SGCD: variants seen among roughly 807,000 people sequenced by gnomAD.
SGCD encodes sarcoglycan delta, also known as delta-sarcoglycan.
Under a neutral mutation model 36.6 loss-of-function variants are expected in SGCD, and 18 were observed. The observed-to-expected ratio is 0.49, with a 90% CI of 0.34 to 0.73. The LOEUF (loss-of-function observed/expected upper bound fraction) is 0.73. Among genes scored for constraint, SGCD ranks in the 30% least tolerant of loss-of-function variants. The pLI, the probability that SGCD is intolerant of heterozygous loss-of-function variation, is 0.01. For synonymous variants in SGCD, 133 were observed against 130.6 expected (o/e 1.02, Z -0.12); for missense variants, 387 against 346.7 (o/e 1.12, Z -0.92).
chr5:156,125,567 A>G (rs1304474340), intron 3 of SGCD, among the ~76,000 whole-genome samples: 1 of 152,028 alleles, frequency 6.6e-6, no homozygotes, highest in Non-Finnish European at 1.5e-5. Flanking sequence ...TCAAATACAC[A>G]TTCCTCCTTC....
rs2127875419 is a variant in SGCD at position 156,508,650 on chromosome 5, G to C, written c.242G>C (p.Gly81Ala). The C allele has an allele frequency of 6.2e-7, 1 of 1,612,510 alleles. No homozygotes were observed. Among genetic ancestry groups the C allele is most frequent in the Non-Finnish European group, 8.5e-7 (1 of 1,178,814 alleles). Reference protein sequence around the residue: ...RITEKGLKLEGDSEFLQPLYA... With the variant: ...RITEKGLKLEADSEFLQPLYA... Reference sequence around the variant, plus strand: ...ACAGAAAAAGGTCTAAAGCTAGAAGGAGACTCTGAATTCTTACAACCTCTC... The same window carrying C: ...ACAGAAAAAGGTCTAAAGCTAGAAGCAGACTCTGAATTCTTACAACCTCTC... The change falls in exon 4 of 9, where the codon GGA becomes GCA. Residue 81 changes from glycine (G) to alanine (A), a missense_variant. Coordinates refer to ENST00000337851, the MANE Select transcript of SGCD (RefSeq NM_000337.6).
chr5:156,120,752 A>T (rs1762017886), intron 2 of SGCD, among the ~76,000 whole-genome samples: 1 of 152,186 alleles, frequency 6.6e-6, no homozygotes, highest in Admixed American at 6.6e-5. Context: ...AATATCAGTT[A>T]AGAAAAGAAG....
At chr5:156,759,157 T>A (rs535756339) in intron 8 of SGCD, 60 bp from the exon 9 acceptor site, 2 of 1,303,660 alleles carry the variant, frequency 1.5e-6, no homozygotes, top group South Asian at 2.4e-5. Context: ...TGTTTCTGAA[T>A]GTCAAGAGAA....
intron 1 of SGCD, among the ~76,000 whole-genome samples, chr5:155,970,929 C>T (rs946436102): frequency 3.3e-5 from 5 of 152,124 alleles, no homozygotes; most frequent in South Asian, 2.1e-4. Flanking sequence ...AATTCAGTGA[C>T]GTCCAGGCTG....
intron 3 of SGCD, among the ~76,000 whole-genome samples, chr5:156,470,595 T>C (rs1463053883): frequency 6.6e-6 from 1 of 152,072 alleles, no homozygotes. Context: ...CATGTGGTGT[T>C]TGGTTTTTTG....
chr5:155,878,767 C>T (rs987200357), intron 1 of SGCD, among the ~76,000 whole-genome samples: 3 of 152,004 alleles, frequency 2.0e-5, no homozygotes, highest in Non-Finnish European at 2.9e-5. Flanking sequence ...ACATCGTTGG[C>T]ACTATTTTCA....
intron 4 of SGCD, among the ~76,000 whole-genome samples, chr5:156,547,382 A>G (rs1019831348): frequency 6.6e-6 from 1 of 152,152 alleles, no homozygotes; most frequent in African/African-American, 2.4e-5. Flanking sequence ...TAACTATTCC[A>G]GAGATGTTCT....
At chr5:156,705,433 T>G (rs1754700719) in intron 7 of SGCD, among the ~76,000 whole-genome samples, 1 of 152,180 alleles carries the variant, frequency 6.6e-6, no homozygotes, top group South Asian at 2.1e-4. Context: ...AGCCGTTGGT[T>G]GGTTTTGCCA....
the SGCD span, among the ~76,000 whole-genome samples, chr5:155,732,527 T>A: frequency 6.6e-6 from 1 of 152,188 alleles, no homozygotes; most frequent in Non-Finnish European, 1.5e-5. Context: ...CTGGGAAGTG[T>A]CTTGCCAGAG....
At chr5:156,473,172 A>T (rs116595249) in intron 3 of SGCD, among the ~76,000 whole-genome samples, 2 of 152,288 alleles carry the variant, frequency 1.3e-5, no homozygotes, top group African/African-American at 4.8e-5. Context: ...TGCAATACTT[A>T]CCACCTGTAC....
At chr5:156,262,494 A>C (rs1384995040) in intron 3 of SGCD, among the ~76,000 whole-genome samples, 1 of 152,132 alleles carries the variant, frequency 6.6e-6, no homozygotes. Flanking sequence ...TAATGATTTA[A>C]TGATACTAAG....
chr5:156,247,570 C>G (rs186075861), intron 3 of SGCD, among the ~76,000 whole-genome samples: 10 of 152,078 alleles, frequency 6.6e-5, no homozygotes, highest in African/African-American at 2.4e-4. Context: ...CTGAAAGGAT[C>G]CAAGATAGAT....
chr5:156,744,701 AATGGAGCCATGATCAACAAACTTCC>A (rs1320841921), intron 7 of SGCD, among the ~76,000 whole-genome samples: 1 of 152,204 alleles, frequency 6.6e-6, no homozygotes, highest in African/African-American at 2.4e-5. Flanking sequence ...ATCTTTCTCT[AATGGAGCCATGATCAACAAACTTCC>A]ATGGAGCTTT....
intron 1 of SGCD, among the ~76,000 whole-genome samples, chr5:155,968,564 C>A (rs1416034631): frequency 1.3e-5 from 2 of 151,534 alleles, no homozygotes; most frequent in East Asian, 1.9e-4. Flanking sequence ...TGTTGTTAAT[C>A]TCTTATAGTG....
At chr5:156,749,080 C>T (rs1340994322) in intron 7 of SGCD, among the ~76,000 whole-genome samples, 2 of 151,974 alleles carry the variant, frequency 1.3e-5, no homozygotes, top group South Asian at 2.1e-4. Flanking sequence ...TTTTAAGGAA[C>T]TGATGTTATA....
chr5:156,276,305 G>A (rs1348921222), intron 3 of SGCD, among the ~76,000 whole-genome samples: 1 of 152,096 alleles, frequency 6.6e-6, no homozygotes, highest in East Asian at 1.9e-4. Flanking sequence ...CTGAGAGACA[G>A]GTCAAAATTA....
chr5:155,821,527 A>G, the SGCD span, among the ~76,000 whole-genome samples: 40 of 152,170 alleles, frequency 2.6e-4, no homozygotes, highest in Admixed American at 2.4e-3. Context: ...GTTAGCCAGG[A>G]TGGTCTTGAT....
chr5:156,746,964 A>T (rs192742603), intron 7 of SGCD, among the ~76,000 whole-genome samples: 1 of 152,160 alleles, frequency 6.6e-6, no homozygotes, highest in African/African-American at 2.4e-5. Flanking sequence ...CTTGAAATAT[A>T]TATGAAAAAG....
At chr5:155,963,940 T>A (rs1757846613) in intron 1 of SGCD, among the ~76,000 whole-genome samples, 1 of 152,126 alleles carries the variant, frequency 6.6e-6, no homozygotes, top group African/African-American at 2.4e-5. Flanking sequence ...GAGTTTTTGT[T>A]CATATTTCAT....
Sources: allele counts gnomAD v4.1 joint callset (sites outside exome capture counted in the v4.1 genomes callset), GRCh38; gene constraint gnomAD v4.1.1; transcripts MANE v1.5; gene names NCBI Gene and HGNC (gene_info 2026-07-23, HGNC 2026-07-21).